The following EDNRA variants were observed in gnomAD, a reference collection of about 807,000 sequenced individuals.
EDNRA encodes the protein endothelin-1 receptor.
EDNRA carries 11 observed loss-of-function variants against 41.4 expected under a neutral mutation model. The ratio of observed to expected loss-of-function variants is 0.27; its 90% CI spans 0.17 to 0.44. EDNRA has a LOEUF of 0.44. EDNRA is among the 20% of genes least tolerant of loss of function. The pLI is 1.00. For synonymous variants in EDNRA, 172 were observed against 183.0 expected, an observed-to-expected ratio of 0.94 and a Z score of 0.49; for missense variants, 294 against 531.0, an observed-to-expected ratio of 0.55 and a Z score of 4.39.
chr4:147,541,113 G>T (rs1480572145), intron 7 of EDNRA, among the ~76,000 whole-genome samples: 1 of 146,786 alleles, frequency 6.8e-6, no homozygotes, highest in Non-Finnish European at 1.5e-5. Context: ...CTCACTAAAT[G>T]CTGTTTAATT....
chr4:147,492,923 C>T (rs1485906586), intron 2 of EDNRA: 1 of 152,136 alleles, frequency 6.6e-6, no homozygotes, highest in Non-Finnish European at 1.5e-5. Flanking sequence ...ATTGCCTTCT[C>T]TCATGGTCAT....
chr4:147,508,283 C>T (rs1729795688), intron 2 of EDNRA, among the ~76,000 whole-genome samples: 1 of 152,096 alleles, frequency 6.6e-6, no homozygotes. Context: ...GGATTACGGG[C>T]ATGCACCACC....
intron 7 of EDNRA, among the ~76,000 whole-genome samples, chr4:147,542,254 ATAAAAT>A (rs1437323677): frequency 6.6e-6 from 1 of 152,178 alleles, no homozygotes. Context: ...GCACTTGGTA[ATAAAAT>A]TAAAATGAGA....
chr4:147,504,772 T>C (rs1281892073), intron 2 of EDNRA, among the ~76,000 whole-genome samples: 1 of 151,096 alleles, frequency 6.6e-6, no homozygotes, highest in Non-Finnish European at 1.5e-5. Flanking sequence ...CTGGGCAACA[T>C]GGCAAATCTC....
chr4:147,482,355 T>G (rs1728794502), intron 1 of EDNRA, among the ~76,000 whole-genome samples: 1 of 152,210 alleles, frequency 6.6e-6, no homozygotes. Context: ...GTCCTCTTTC[T>G]TAATAATAGT....
intron 6 of EDNRA, among the ~76,000 whole-genome samples, 167 bp from the exon 7 acceptor site, chr4:147,540,210 C>T (rs1319706610): frequency 6.6e-6 from 1 of 152,180 alleles, no homozygotes. Context: ...AACTGTCCTG[C>T]AAAACTGAAA....
chr4:147,538,098 C>T (rs1030938230), intron 5 of EDNRA, among the ~76,000 whole-genome samples: 1 of 152,144 alleles, frequency 6.6e-6, no homozygotes, highest in African/African-American at 2.4e-5. Flanking sequence ...AGGAGTTTAT[C>T]TTTCTCCCAT....
At chr4:147,494,169 A>G (rs1729229817) in intron 2 of EDNRA, 3 of 152,222 alleles carry the variant, frequency 2.0e-5, no homozygotes, top group South Asian at 4.1e-4. Flanking sequence ...ACTCAGTAAT[A>G]TAAGGTATTT....
chr4:147,505,573 C>T (rs950491773), intron 2 of EDNRA, among the ~76,000 whole-genome samples: 1 of 150,314 alleles, frequency 6.7e-6, no homozygotes, highest in Non-Finnish European at 1.5e-5. Context: ...AACCCCAGGC[C>T]TCAGGCGATC....
chr4:147,538,042 G>A (rs140748276), intron 5 of EDNRA, among the ~76,000 whole-genome samples: 24 of 152,128 alleles, frequency 1.6e-4, no homozygotes, highest in African/African-American at 5.1e-4. Flanking sequence ...GGTTGTGTTC[G>A]GATGCTGGGA....
intron 1 of EDNRA, among the ~76,000 whole-genome samples, chr4:147,485,034 T>C (rs1728896151): frequency 6.6e-6 from 1 of 152,214 alleles, no homozygotes; most frequent in Non-Finnish European, 1.5e-5. Flanking sequence ...ATTCGATAAT[T>C]TTATTTTATG....
At chr4:147,490,700 A>G (rs1053162802) in intron 2 of EDNRA, 4 of 152,206 alleles carry the variant, frequency 2.6e-5, no homozygotes, top group African/African-American at 9.7e-5. Flanking sequence ...TATATTATTT[A>G]ATGATTCATG....
rs1475452676 is a variant in EDNRA, at chr4:147,519,307, C to A, written c.421-544C>A. On this transcript the variant is annotated intron_variant, in intron 2 of 7. Transcript: ENST00000651419. This position sits in a 1 kb window ranked among gnomAD's most constrained non-coding sequence, Gnocchi z 4.1. Reference sequence around the variant, plus strand: ...GTTTTTTTCCAGTATTCTCCCTAACCTTTCATTCTTAATTTCAGAGACAAT... The same window carrying A: ...GTTTTTTTCCAGTATTCTCCCTAACATTTCATTCTTAATTTCAGAGACAAT... Among the ~76,000 whole-genome samples, 1 of 152,120 alleles carries A rather than the reference C, an allele frequency of 6.6e-6. No individual in the cohort carries two copies. The highest frequency in any genetic ancestry group is 1.5e-5 in the Non-Finnish European group (1 of 68,012).
In EDNRA at chr4:147,519,673, G is replaced by A. The variant is rs549660240; in HGVS notation, c.421-178G>A. Among the ~76,000 whole-genome samples the A allele has an allele frequency of 1.8e-4, 28 of 151,616 alleles. No individual in the cohort carries two copies. The highest frequency in any genetic ancestry group is 6.3e-4 in the African/African-American group (26 of 41,356). Reference sequence around the variant, plus strand: ...TGTATATCTTTCCAGACTAAAAATTGCTGAGGCTTTAAAATACGAAAGAAA... The same window carrying A: ...TGTATATCTTTCCAGACTAAAAATTACTGAGGCTTTAAAATACGAAAGAAA... On this transcript the variant is annotated intron_variant, in intron 2 of 7. Coordinates refer to ENST00000651419, the MANE Select transcript of EDNRA (RefSeq NM_001957.4). The surrounding 1 kb of genome is among the most constrained non-coding windows in gnomAD (Gnocchi z 4.1).
chr4:147,537,013 A>C (rs1029018022), intron 5 of EDNRA, among the ~76,000 whole-genome samples: 3 of 152,226 alleles, frequency 2.0e-5, no homozygotes, highest in African/African-American at 7.2e-5. Context: ...CATTAATTCT[A>C]AGAGGAAACC....
intron 2 of EDNRA, among the ~76,000 whole-genome samples, chr4:147,511,710 T>G (rs75736224): frequency 0.12 from 18,192 of 152,256 alleles, 1,122 homozygotes; most frequent in South Asian, 0.26. Context: ...TGTTTTATCT[T>G]GTTTTGTTCT....
At chr4:147,530,876 C>T (rs571689921) in intron 3 of EDNRA, among the ~76,000 whole-genome samples, 24 of 152,234 alleles carry the variant, frequency 1.6e-4, no homozygotes, top group East Asian at 3.9e-4. Flanking sequence ...CCAATGCATT[C>T]GGTCTGTTTT....
At chr4:147,512,883 A>G (rs1453459276) in intron 2 of EDNRA, among the ~76,000 whole-genome samples, 1 of 152,102 alleles carries the variant, frequency 6.6e-6, no homozygotes, top group East Asian at 1.9e-4. Flanking sequence ...GGTGACCTGG[A>G]CCATGGGTGA....
chr4:147,533,130 A>G (rs950875494), intron 4 of EDNRA, among the ~76,000 whole-genome samples: 7 of 152,150 alleles, frequency 4.6e-5, no homozygotes, highest in African/African-American at 1.4e-4. Context: ...ACTTGGGGAG[A>G]AGCACATTTC....
Sources: allele counts gnomAD v4.1 joint callset (sites outside exome capture counted in the v4.1 genomes callset), GRCh38; gene constraint gnomAD v4.1.1; non-coding constraint Gnocchi (gnomAD v3.1); transcripts MANE v1.5; gene names NCBI Gene and HGNC (gene_info 2026-07-23, HGNC 2026-07-21).